NFATC3: variants seen among roughly 807,000 people sequenced by gnomAD.
NFATC3 encodes the protein nuclear factor of activated T-cells, cytoplasmic 3.
A neutral mutation model predicts 98.6 loss-of-function variants in NFATC3; 46 were observed. The observed-to-expected ratio is 0.47, with a 90% CI of 0.37 to 0.60. The LOEUF (loss-of-function observed/expected upper bound fraction) is 0.60, where lower values mean the gene tolerates loss of function less well. NFATC3 is among the 20% of genes least tolerant of loss of function. The pLI is 0.00. For missense variants in NFATC3, 1,256 were observed against 1,295.5 expected (o/e 0.97, Z 0.47); for synonymous variants, 512 against 472.2 (o/e 1.08, Z -1.09).
At chr16:68,200,281 C>T (rs1032407834) in intron 9 of NFATC3, 1 of 151,980 alleles carries the variant, frequency 6.6e-6, no homozygotes, top group African/African-American at 2.4e-5. Flanking sequence ...AAGACTGTCA[C>T]TTTCCCTGTT....
Position 68,184,860 on chromosome 16 carries a change from AAGAG to A in NFATC3, c.2098+1500_2098+1503del, listed in dbSNP as rs574512334. Among the ~76,000 whole-genome samples the A allele has an allele frequency of 1.7e-4, 26 of 152,310 alleles. No individual in the cohort carries two copies. In the South Asian group the frequency reaches 5.0e-3, roughly 29 times the overall value. Reference sequence around the variant, plus strand: ...AAAAAACACACAAATAGTTTTTGTAAAGAGAGAGAAAGTTCTCTACAGAAACCTA... The same window carrying A: ...AAAAAACACACAAATAGTTTTTGTAAAGAGAAAGTTCTCTACAGAAACCTA... On this transcript the variant is annotated intron_variant, in intron 8 of 9. Transcript: ENST00000346183.
intron 9 of NFATC3, among the ~76,000 whole-genome samples, chr16:68,195,885 AC>A (rs2040648791): frequency 6.6e-6 from 1 of 152,150 alleles, no homozygotes; most frequent in African/African-American, 2.4e-5. Flanking sequence ...TGGTAGTCTC[AC>A]CCTGTCATCC....
intron 9 of NFATC3, among the ~76,000 whole-genome samples, chr16:68,202,834 A>AT (rs2040984216): frequency 6.7e-6 from 1 of 149,942 alleles, no homozygotes; most frequent in African/African-American, 2.5e-5. Flanking sequence ...ATAAATAATA[A>AT]AAAAAAATAA....
chr16:68,153,785 T>C (rs1039844676), intron 3 of NFATC3, among the ~76,000 whole-genome samples: 1 of 151,964 alleles, frequency 6.6e-6, no homozygotes, highest in Non-Finnish European at 1.5e-5. Context: ...GGCTAATTTT[T>C]TGTGTTTTTA....
At position 68,169,296 on chromosome 16, in the gene NFATC3, T is replaced by G. The variant is rs2039352770; in HGVS notation, c.1774+2281T>G. On this transcript the variant is annotated intron_variant, in intron 5 of 9. Transcript: ENST00000346183. ...TATTAATTCATTTATTTGAGCAGGG[T>G]CTCACTCTTTTGCCCAGGCTGGAGT... Among the ~76,000 whole-genome samples the G allele has an allele frequency of 3.9e-5, 6 of 152,206 alleles. No homozygotes were observed. The South Asian group carries it at 1.2e-3, about 32-fold the overall frequency.
At chr16:68,090,291 C>G (rs1423705505) in intron 1 of NFATC3, among the ~76,000 whole-genome samples, 1 of 75,490 alleles carries the variant, frequency 1.3e-5, no homozygotes, top group Non-Finnish European at 2.3e-5. Context: ...TTTTTAAACA[C>G]GCAACCCCCC....
intron 1 of NFATC3, among the ~76,000 whole-genome samples, chr16:68,120,885 A>G (rs2036538028): frequency 3.9e-5 from 6 of 152,202 alleles, no homozygotes; most frequent in Admixed American, 3.9e-4. Flanking sequence ...GAATGTTCCA[A>G]TATCCTATAC....
In NFATC3 at chr16:68,168,783, C is replaced by A. The variant is rs150204616; in HGVS notation, c.1774+1768C>A. On this transcript the variant is annotated intron_variant, in intron 5 of 9. Coordinates refer to ENST00000346183, the MANE Select transcript of NFATC3 (RefSeq NM_173165.3). ...ACAGGCGTGAGCCACCGCACCCAGC[C>A]CTGTATTCTTAATTTGGGGCCACAT... Among the ~76,000 whole-genome samples, 43 of 152,196 alleles carry A rather than the reference C, an allele frequency of 2.8e-4. No homozygotes were observed. The East Asian group carries it at 7.0e-3, about 25-fold the overall frequency.
intron 9 of NFATC3, among the ~76,000 whole-genome samples, chr16:68,193,130 A>G (rs771599570): frequency 2.0e-5 from 3 of 151,992 alleles, no homozygotes; most frequent in Non-Finnish European, 4.4e-5. Context: ...TAATATTACA[A>G]CTGTTCCCAT....
intron 3 of NFATC3, among the ~76,000 whole-genome samples, chr16:68,132,451 A>G (rs2037163736): frequency 6.6e-6 from 1 of 152,234 alleles, no homozygotes; most frequent in Non-Finnish European, 1.5e-5. Flanking sequence ...GCTAGTGGGA[A>G]TGTAAATTAG....
chr16:68,164,933 T>G (rs1415491451), intron 4 of NFATC3, among the ~76,000 whole-genome samples: 1 of 152,198 alleles, frequency 6.6e-6, no homozygotes, highest in East Asian at 1.9e-4. Flanking sequence ...TTAAAGATAA[T>G]TTAATACTTA....
chr16:68,163,843 TGGC>T (rs1274272576), intron 4 of NFATC3, among the ~76,000 whole-genome samples: 1 of 139,914 alleles, frequency 7.1e-6, no homozygotes, highest in Non-Finnish European at 1.5e-5. Context: ...CTAGATGGGA[TGGC>T]GGCCGGGAAG....
chr16:68,160,577 C>CT (rs2038844723), intron 4 of NFATC3, among the ~76,000 whole-genome samples: 1 of 152,106 alleles, frequency 6.6e-6, no homozygotes, highest in African/African-American at 2.4e-5. Flanking sequence ...TTTTTGCCTG[C>CT]TTTGGTTCAG....
At chr16:68,204,511 G>C (rs1052713000) in intron 9 of NFATC3, among the ~76,000 whole-genome samples, 1 of 152,168 alleles carries the variant, frequency 6.6e-6, no homozygotes, top group Non-Finnish European at 1.5e-5. Context: ...ATTTTGTATA[G>C]ATGTGGCTCA....
At position 68,139,220 on chromosome 16, in the gene NFATC3, A is replaced by AT. The variant is rs1237102198; in HGVS notation, c.1401+12616dup. On this transcript the variant is annotated intron_variant, in intron 3 of 9. Coordinates refer to ENST00000346183, the MANE Select transcript of NFATC3 (RefSeq NM_173165.3). ...ATTATGAAGAGAACTTTACCTTGGG[A>AT]TTTTTTCTTTATAAAATGAGAATAA... 5.3e-5 allele frequency among the ~76,000 whole-genome samples: 8 copies of AT among 152,274 alleles called. No individual in the cohort carries two copies. The East Asian group carries it at 1.5e-3, about 29-fold the overall frequency.
chr16:68,163,519 C>T (rs1380542086), intron 4 of NFATC3, among the ~76,000 whole-genome samples: 34 of 150,492 alleles, frequency 2.3e-4, no homozygotes, highest in East Asian at 1.0e-3. Context: ...CCCTCCCGGA[C>T]GGGGCGGCTG....
In NFATC3 at chr16:68,122,979, T is replaced by C. The variant is rs2036631939; in HGVS notation, c.1096T>C (p.Ser366Pro). The change falls in exon 2 of 10, where the codon TCA becomes CCA. Residue 366 changes from serine (S) to proline (P), a missense_variant. Physicochemically the swap from Ser to Pro is moderately conservative, Grantham distance 74 (BLOSUM62 -1). Transcript: ENST00000346183. The part of the protein sequence containing the change: ...ELCSDDQGSL[S>P]PARETSIDDG... ...GTGTTCAGATGACCAAGGGAGTTTA[T>C]CACCAGCCCGGGAGACTTCAATAGA... 1 of 1,614,064 alleles carries C rather than the reference T, an allele frequency of 6.2e-7. No individual in the cohort carries two copies. The highest frequency in any genetic ancestry group is 1.3e-5 in the African/African-American group (1 of 74,940).
chr16:68,129,119 A>G (rs566225975), intron 3 of NFATC3, among the ~76,000 whole-genome samples: 1 of 152,192 alleles, frequency 6.6e-6, no homozygotes, highest in South Asian at 2.1e-4. Context: ...AAAATAGCCA[A>G]GTACAATAAG....
At chr16:68,218,525 A>G (rs2151173609) in intron 9 of NFATC3, among the ~76,000 whole-genome samples, 1 of 150,924 alleles carries the variant, frequency 6.6e-6, no homozygotes, top group African/African-American at 2.4e-5. Flanking sequence ...AAAAAAAAAA[A>G]AAAAAAAAGG....
Sources: allele counts gnomAD v4.1 joint callset (sites outside exome capture counted in the v4.1 genomes callset), GRCh38; gene constraint gnomAD v4.1.1; transcripts MANE v1.5; gene names NCBI Gene and HGNC (gene_info 2026-07-23, HGNC 2026-07-21).